TOGARAM1: variants seen among roughly 807,000 people sequenced by gnomAD.
TOGARAM1 encodes the protein TOG array regulator of axonemal microtubules 1.
In TOGARAM1, 100 loss-of-function variants were observed where a neutral mutation model predicts 166.6. That is an observed-to-expected ratio of 0.60 (90% CI 0.51 to 0.71). The LOEUF is 0.71. TOGARAM1 is among the 30% of genes least tolerant of loss of function. The probability of loss-of-function intolerance (pLI) is 0.00; values close to 1 mark genes in which losing one functional copy is unlikely to be tolerated. For synonymous variants in TOGARAM1, 758 were observed against 763.8 expected, an observed-to-expected ratio of 0.99 and a Z score of 0.13; for missense variants, 2,029 against 2,102.7, an observed-to-expected ratio of 0.96 and a Z score of 0.69.
intron 1 of TOGARAM1, among the ~76,000 whole-genome samples, chr14:44,995,137 G>T (rs964939545): frequency 9.2e-5 from 14 of 152,114 alleles, no homozygotes; most frequent in Non-Finnish European, 1.8e-4. Context: ...TGGCACCTTT[G>T]TTCCTTAACT....
In TOGARAM1 at chr14:45,004,156, G is replaced by A; in HGVS notation, c.2434G>A (p.Ala812Thr). Residue 812 changes from alanine (A) to threonine (T), a missense_variant, in exon 4 of 20, where the codon GCT becomes ACT. Physicochemically the swap from Ala to Thr is moderately conservative, Grantham distance 58. Around this residue, in one of 2 missense-constraint regions of TOGARAM1, gnomAD observed 1,453 missense variants for 1,432.2 expected, o/e 1.01. Coordinates refer to ENST00000361462, the MANE Select transcript of TOGARAM1 (RefSeq NM_001308120.2). ...SSNGQNPSPG[A>T]YILPSYPVSS... ...AAATGGTCAAAATCCAAGTCCAGGA[G>A]CTTACATCCTTCCATCCTATCCTGT... 2.5e-6 allele frequency: 4 copies of A among 1,614,070 alleles called. No individual in the cohort carries two copies. Among genetic ancestry groups the A allele is most frequent in the Non-Finnish European group, 3.4e-6 (4 of 1,179,990 alleles).
intron 14 of TOGARAM1, among the ~76,000 whole-genome samples, chr14:45,050,799 G>A (rs1267905859): frequency 1.3e-5 from 2 of 151,970 alleles, no homozygotes. Flanking sequence ...ATTTTTAGTA[G>A]ACACTGGGTT....
intron 16 of TOGARAM1, among the ~76,000 whole-genome samples, chr14:45,056,114 G>T (rs1031612996): frequency 2.0e-5 from 3 of 151,624 alleles, no homozygotes; most frequent in African/African-American, 7.3e-5. Flanking sequence ...TATACTCCTA[G>T]GTATTTTATT....
chr14:45,064,776 G>A (rs1043528610), intron 16 of TOGARAM1, among the ~76,000 whole-genome samples: 5 of 152,066 alleles, frequency 3.3e-5, no homozygotes, highest in East Asian at 1.9e-4. Flanking sequence ...GTAGTTATTC[G>A]CATGGTTGAA....
At chr14:44,995,337 G>C (rs1163397018) in intron 1 of TOGARAM1, 1 of 344,982 alleles carries the variant, frequency 2.9e-6, no homozygotes, top group Non-Finnish European at 5.9e-6. Context: ...GCCTCAGTAA[G>C]AACAGTGTAG....
chr14:45,011,748 G>A, intron 6 of TOGARAM1: 1 of 387,504 alleles, frequency 2.6e-6, no homozygotes. Context: ...AAAAAGGTTG[G>A]TAGTCCAAAA....
At position 44,963,526 on chromosome 14, in the gene TOGARAM1, A is replaced by T; in HGVS notation, c.1105A>T (p.Thr369Ser). ...GGATCAGGAAGACTATAAGAACCGG[A>T]CCCAGGCCGTCGAAGAACTAAAGCA... is the stretch of plus-strand genomic sequence containing the variant. ...LLDQEDYKNR[T>S]QAVEELKQVL... Residue 369 changes from threonine to serine, a missense_variant, in exon 1 of 20, where the codon ACC becomes TCC. Physicochemically the swap from Thr to Ser is moderately conservative, Grantham distance 58. This residue lies in a region of TOGARAM1 where 1,453 missense variants were observed against 1,432.2 expected (regional missense o/e 1.01). Transcript: ENST00000361462. 6.2e-7 allele frequency: 1 copy of T among 1,614,174 alleles called. No homozygotes were observed. Among genetic ancestry groups the T allele is most frequent in the East Asian group, 2.2e-5 (1 of 44,892 alleles).
intron 14 of TOGARAM1, among the ~76,000 whole-genome samples, chr14:45,051,385 G>T (rs1882357714): frequency 6.6e-6 from 1 of 152,072 alleles, no homozygotes; most frequent in South Asian, 2.1e-4. Context: ...TGGGCAAGGA[G>T]CCCAGGATGG....
In TOGARAM1 at chr14:45,055,305, C is replaced by T. The variant is rs75135705; in HGVS notation, c.4559+756C>T. ...TCAGCATCATTTATTGAAAAGAGTG[C>T]TCTTTCCTCCATGTATGTTCTTGTC... On this transcript the variant is annotated intron_variant, in intron 16 of 19. Coordinates refer to ENST00000361462, the MANE Select transcript of TOGARAM1 (RefSeq NM_001308120.2). Among the ~76,000 whole-genome samples the T allele has an allele frequency of 3.9e-3, 590 of 152,266 alleles. 6 individuals are homozygous for T. Among genetic ancestry groups the T allele is most frequent in the African/African-American group, 0.013 (558 of 41,536 alleles).
Position 44,963,105 on chromosome 14 carries a change from C to G in TOGARAM1, c.684C>G (p.Ala228=). ...LIQQGLESTD[A]RLRASTALLL... The stretch of plus-strand genomic sequence containing the variant: ...AACAAGGACTGGAAAGTACCGATGC[C>G]CGACTTAGAGCTTCCACAGCACTAC... The change falls in exon 1 of 20, where the codon GCC becomes GCG. Residue 228 remains alanine (A), a synonymous_variant. Coordinates refer to ENST00000361462, the MANE Select transcript of TOGARAM1 (RefSeq NM_001308120.2). 3.1e-6 allele frequency: 5 copies of G among 1,614,118 alleles called. No individual in the cohort carries two copies. The highest frequency in any genetic ancestry group is 4.2e-6 in the Non-Finnish European group (5 of 1,180,020).
intron 7 of TOGARAM1, among the ~76,000 whole-genome samples, chr14:45,017,054 C>T (rs989953068): frequency 1.3e-4 from 20 of 152,012 alleles, no homozygotes; most frequent in Non-Finnish European, 2.2e-4. Context: ...TCATCTAGCG[C>T]GTTAGAAATA....
intron 6 of TOGARAM1, among the ~76,000 whole-genome samples, chr14:45,009,414 G>C (rs192483777): frequency 6.6e-6 from 1 of 152,198 alleles, no homozygotes; most frequent in Non-Finnish European, 1.5e-5. Flanking sequence ...TGTTCTTTTT[G>C]TCTAGGATTT....
chr14:45,068,480 G>T lies in TOGARAM1; in HGVS notation c.4806G>T (p.Val1602=). The change falls in exon 18 of 20, where the codon GTG becomes GTT. Residue 1602 remains valine, a synonymous_variant. Transcript: ENST00000361462. ...LHDSNSKVNL[V]ALETMHKMIP... is the part of the protein sequence containing the mutation. ...ATTCTAATAGTAAAGTAAATCTGGTGGCTCTGGAAACAATGCACAAAATGA... is the reference window on the plus strand; with the variant it reads ...ATTCTAATAGTAAAGTAAATCTGGTTGCTCTGGAAACAATGCACAAAATGA... 1 of 1,612,810 alleles carries T rather than the reference G, an allele frequency of 6.2e-7. No homozygotes were observed. Among genetic ancestry groups the T allele is most frequent in the Non-Finnish European group, 8.5e-7 (1 of 1,179,388 alleles).
At chr14:45,046,310 C>A (rs1353115253) in intron 13 of TOGARAM1, among the ~76,000 whole-genome samples, 1 of 152,138 alleles carries the variant, frequency 6.6e-6, no homozygotes, top group Non-Finnish European at 1.5e-5. Flanking sequence ...GTGGCACATG[C>A]CTGTGGCCTC....
intron 14 of TOGARAM1, among the ~76,000 whole-genome samples, chr14:45,048,029 CTG>C (rs1432825103): frequency 7.1e-6 from 1 of 140,772 alleles, no homozygotes; most frequent in Non-Finnish European, 1.5e-5. Context: ...GCACTCCAGA[CTG>C]AGAAACAGAG....
At chr14:45,031,240 C>T (rs541839831) in intron 10 of TOGARAM1, among the ~76,000 whole-genome samples, 5 of 152,126 alleles carry the variant, frequency 3.3e-5, no homozygotes, top group Non-Finnish European at 7.4e-5. Context: ...AAATCTTTAC[C>T]TACTTATAAA....
At chr14:45,011,377 A>G (rs564214403) in intron 6 of TOGARAM1, among the ~76,000 whole-genome samples, 26 of 152,254 alleles carry the variant, frequency 1.7e-4, no homozygotes, top group African/African-American at 6.0e-4. Context: ...TAGTAGTTCA[A>G]TCTCAGCTCA....
intron 1 of TOGARAM1, among the ~76,000 whole-genome samples, chr14:44,975,836 C>G (rs1886156784): frequency 7.3e-6 from 1 of 137,532 alleles, no homozygotes; most frequent in Non-Finnish European, 1.6e-5. Flanking sequence ...TGACTCAAAA[C>G]AACACAGCTT....
At chr14:45,026,215 A>G (rs1364085299) in intron 8 of TOGARAM1, among the ~76,000 whole-genome samples, 2 of 152,182 alleles carry the variant, frequency 1.3e-5, no homozygotes, top group African/African-American at 4.8e-5. Flanking sequence ...ATCAATATAA[A>G]TTAATATAAT....
Sources: gnomAD v4.1 joint callset for allele counts (sites outside exome capture counted in the v4.1 genomes callset) on GRCh38, gnomAD v4.1.1 for gene constraint, gnomAD v4.1.1 regional missense constraint, MANE v1.5 for transcripts, NCBI Gene and HGNC (gene_info 2026-07-23, HGNC 2026-07-21) for gene names.